The following LHFPL7 variants were observed in gnomAD, a reference collection of about 807,000 sequenced individuals.
LHFPL7 encodes LHFPL tetraspan subfamily member 7.
At chr22:24,942,445 G>T in the LHFPL7 span, among the ~76,000 whole-genome samples, 2 of 152,236 alleles carry the variant, frequency 1.3e-5, no homozygotes, top group East Asian at 3.9e-4. Flanking sequence ...GCCCAGAAGG[G>T]TGAGCCTGCC....
chr22:24,945,296 G>A, the LHFPL7 span, among the ~76,000 whole-genome samples: 1 of 152,194 alleles, frequency 6.6e-6, no homozygotes, highest in Non-Finnish European at 1.5e-5. Flanking sequence ...AGACCACTCT[G>A]GCTCCTGGGT....
At chr22:24,942,302 AT>A in the LHFPL7 span, among the ~76,000 whole-genome samples, 1 of 152,212 alleles carries the variant, frequency 6.6e-6, no homozygotes, top group Non-Finnish European at 1.5e-5. Context: ...CCTCAAATGT[AT>A]TTTAATATAA....
At chr22:24,940,972 C>G in the LHFPL7 span, among the ~76,000 whole-genome samples, 16 of 151,980 alleles carry the variant, frequency 1.1e-4, no homozygotes, top group Admixed American at 2.0e-4. Flanking sequence ...TAATTAGAAA[C>G]CTTTTTTCTT....
chr22:24,939,788 G>A, the LHFPL7 span, among the ~76,000 whole-genome samples: 1 of 152,112 alleles, frequency 6.6e-6, no homozygotes, highest in African/African-American at 2.4e-5. Flanking sequence ...ATAAATGTTA[G>A]CCCTGAAAGA....
At chr22:24,939,099 C>T in the LHFPL7 span, among the ~76,000 whole-genome samples, 1 of 152,188 alleles carries the variant, frequency 6.6e-6, no homozygotes, top group East Asian at 1.9e-4. Context: ...GAGACAGGGG[C>T]TCCGGGTGGA....
chr22:24,946,251 A>G, the LHFPL7 span, among the ~76,000 whole-genome samples: 116 of 151,738 alleles, frequency 7.6e-4, no homozygotes, highest in African/African-American at 2.8e-3. Context: ...CGGAGGTTGC[A>G]GTGAGCCGAG....
At chr22:24,940,113 G>C in the LHFPL7 span, among the ~76,000 whole-genome samples, 2 of 149,528 alleles carry the variant, frequency 1.3e-5, no homozygotes, top group Non-Finnish European at 3.0e-5. Flanking sequence ...ATTTTTAGTA[G>C]AGACGGGTTC....
the LHFPL7 span, among the ~76,000 whole-genome samples, chr22:24,940,368 T>G: frequency 2.1e-5 from 3 of 145,876 alleles, no homozygotes; most frequent in East Asian, 2.1e-4. Context: ...CCGAGGCGGG[T>G]GGATCACGAG....
At chr22:24,941,747 G>A in the LHFPL7 span, among the ~76,000 whole-genome samples, 3 of 149,150 alleles carry the variant, frequency 2.0e-5, no homozygotes, top group Non-Finnish European at 4.4e-5. Context: ...CTCAGCTCAC[G>A]TAACCTCCGA....
the LHFPL7 span, among the ~76,000 whole-genome samples, chr22:24,941,782 G>A: frequency 6.6e-6 from 1 of 151,080 alleles, no homozygotes; most frequent in African/African-American, 2.4e-5. Context: ...CGATTCTCCT[G>A]CCTCAGCCTG....
At chr22:24,941,708 G>C in the LHFPL7 span, among the ~76,000 whole-genome samples, 1 of 145,204 alleles carries the variant, frequency 6.9e-6, no homozygotes, top group Non-Finnish European at 1.5e-5. Flanking sequence ...GTCTTGCTCT[G>C]TCTCCAGGCT....
chr22:24,943,088 G>T, the LHFPL7 span, among the ~76,000 whole-genome samples: 4 of 151,866 alleles, frequency 2.6e-5, no homozygotes, highest in Non-Finnish European at 2.9e-5. Context: ...TTTTTATGGG[G>T]TTTTTTTGGT....
chr22:24,936,089 A>T, the LHFPL7 span, among the ~76,000 whole-genome samples: 1 of 151,950 alleles, frequency 6.6e-6, no homozygotes, highest in Non-Finnish European at 1.5e-5. Flanking sequence ...TTATTGGCTC[A>T]TGTCTCCTTT....
At chr22:24,937,691 T>A in the LHFPL7 span, among the ~76,000 whole-genome samples, 1 of 152,218 alleles carries the variant, frequency 6.6e-6, no homozygotes, top group Non-Finnish European at 1.5e-5. Flanking sequence ...CTGGCTAGTA[T>A]ATTCAAAAGC....
the LHFPL7 span, among the ~76,000 whole-genome samples, chr22:24,944,445 T>G: frequency 1.3e-5 from 2 of 152,084 alleles, no homozygotes; most frequent in African/African-American, 4.8e-5. Flanking sequence ...AGAGGAATAT[T>G]CCAAGCAGAG....
At chr22:24,939,383 G>A in the LHFPL7 span, 1 of 703,050 alleles carries the variant, frequency 1.4e-6, no homozygotes, top group Non-Finnish European at 2.6e-6. Flanking sequence ...AGGTCACGCA[G>A]CTCTGGTTCC....
At chr22:24,941,361 G>A in the LHFPL7 span, among the ~76,000 whole-genome samples, 1 of 151,930 alleles carries the variant, frequency 6.6e-6, no homozygotes, top group Admixed American at 6.6e-5. Flanking sequence ...TAGAGATGGG[G>A]TTTCACCATG....
At chr22:24,938,126 A>G in the LHFPL7 span, 33 of 1,612,096 alleles carry the variant, frequency 2.0e-5, no homozygotes, top group African/African-American at 3.5e-4. Flanking sequence ...AGCACTGACT[A>G]TGTGCCTGTG....
the LHFPL7 span, among the ~76,000 whole-genome samples, chr22:24,937,120 C>A: frequency 1.3e-5 from 2 of 152,176 alleles, no homozygotes; most frequent in African/African-American, 4.8e-5. Flanking sequence ...ATCAAGTAGG[C>A]AGATTAGATA....
Sources: gnomAD v4.1 joint callset for allele counts (sites outside exome capture counted in the v4.1 genomes callset) on GRCh38, gnomAD v4.1.1 for gene constraint, MANE v1.5 for transcripts, NCBI Gene and HGNC (gene_info 2026-07-23, HGNC 2026-07-21) for gene names.